PSD3: variants seen among roughly 807,000 people sequenced by gnomAD.
PSD3 encodes pleckstrin and Sec7 domain containing 3.
Under a neutral mutation model 105.5 loss-of-function variants are expected in PSD3, and 49 were observed. The ratio of observed to expected loss-of-function variants is 0.46; its 90% CI spans 0.37 to 0.59. The LOEUF is 0.59. Ranked by LOEUF, PSD3 falls within the 20% of genes least tolerant of loss-of-function variation. PSD3 has a pLI of 0.00. For synonymous variants in PSD3, 557 were observed against 457.8 expected (o/e 1.22, Z -2.77); for missense variants, 1,561 against 1,263.8 (o/e 1.24, Z -3.57).
chr8:18,819,106 C>G (rs1812473892), intron 4 of PSD3, among the ~76,000 whole-genome samples: 1 of 152,150 alleles, frequency 6.6e-6, no homozygotes, highest in Non-Finnish European at 1.5e-5. Flanking sequence ...ATCAAAACAA[C>G]TGGTACCCAG....
At position 18,593,951 on chromosome 8, in the gene PSD3, A is replaced by G. The variant is rs1253493930; in HGVS notation, c.2481+6413T>C. On this transcript the variant is annotated intron_variant, in intron 12 of 15. Transcript: ENST00000327040. ...AGAACACTTGGACACAGGAAGGGGAACATCACACACCGGGGCCTGTTGTGG... is the reference window on the plus strand; with the variant it reads ...AGAACACTTGGACACAGGAAGGGGAGCATCACACACCGGGGCCTGTTGTGG... Among the ~76,000 whole-genome samples the G allele has an allele frequency of 2.7e-4, 29 of 105,690 alleles. 1 individual carries two copies. Among genetic ancestry groups the G allele is most frequent in the East Asian group, 2.6e-3 (8 of 3,102 alleles). 69.3% of individuals were successfully genotyped at this position (105,690 alleles called of 152,430 possible). A position where few individuals can be genotyped will look rare whatever the true frequency, so the allele number is the denominator to read the frequency against.
intron 1 of PSD3, chr8:19,001,894 A>G: frequency 5.4e-6 from 1 of 186,194 alleles, no homozygotes; most frequent in Non-Finnish European, 1.1e-5. Flanking sequence ...ACTGTGGACA[A>G]GGCACAAGAA....
intron 10 of PSD3, among the ~76,000 whole-genome samples, chr8:18,637,695 T>A (rs1337453210): frequency 6.6e-6 from 1 of 152,172 alleles, no homozygotes; most frequent in African/African-American, 2.4e-5. Context: ...AGATACTGAG[T>A]TGTTTCTAGT....
chr8:18,635,668 A>C (rs2130780490), intron 10 of PSD3, among the ~76,000 whole-genome samples: 1 of 152,290 alleles, frequency 6.6e-6, no homozygotes, highest in East Asian at 1.9e-4. Flanking sequence ...GATAAAGAAA[A>C]TGTGGCACAT....
chr8:18,897,316 G>A (rs755379560), intron 2 of PSD3, among the ~76,000 whole-genome samples: 32 of 151,956 alleles, frequency 2.1e-4, no homozygotes, highest in Admixed American at 9.2e-4. Context: ...AAAATGAGTC[G>A]GCTATAAAGA....
At chr8:18,622,469 T>C (rs1282536513) in intron 11 of PSD3, among the ~76,000 whole-genome samples, 1 of 152,232 alleles carries the variant, frequency 6.6e-6, no homozygotes, top group African/African-American at 2.4e-5. Context: ...AACTTAACTA[T>C]GCCATTCCAT....
chr8:18,862,260 T>C (rs1215156244), intron 4 of PSD3, among the ~76,000 whole-genome samples: 4 of 152,096 alleles, frequency 2.6e-5, no homozygotes, highest in Admixed American at 2.0e-4. Context: ...CCAGATTTTA[T>C]GTATTTATTC....
At chr8:19,053,589 A>G (rs2129477257) in intron 1 of PSD3, among the ~76,000 whole-genome samples, 1 of 152,264 alleles carries the variant, frequency 6.6e-6, no homozygotes, top group African/African-American at 2.4e-5. Context: ...ACTTGAGGCC[A>G]GGAGTTCGAG....
chr8:18,535,394 T>C lies in PSD3; in HGVS notation c.*349A>G, dbSNP rs561248627. 3.0e-4 allele frequency: 69 copies of C among 229,360 alleles called. No homozygotes were observed. The highest frequency in any genetic ancestry group is 5.7e-4 in the Non-Finnish European group (65 of 114,802). The allele number at this position is 229,360 out of a possible 1,614,324, so 14.2% of individuals were successfully genotyped here. The stretch of plus-strand genomic sequence containing the variant: ...TCACAATGGATTAAATTCTTTAACC[T>C]TAAAAAAAAGTTTAACAGTTGATAT... On this transcript the variant is annotated 3_prime_UTR_variant, in exon 16 of 16. Transcript: ENST00000327040.
rs369449469 is a variant in PSD3 at position 18,732,869 on chromosome 8, T to A, written c.2172+32580A>T. On this transcript the variant is annotated intron_variant, in intron 9 of 15. Coordinates refer to ENST00000327040, the MANE Select transcript of PSD3 (RefSeq NM_015310.4). ...TATTCTACCACAAGCCCCACTATTG[T>A]GAACCACGATAATATAAAATGAAAT... 3.3e-5 allele frequency: 5 copies of A among 152,180 alleles called. No homozygotes were observed. The East Asian group carries it at 9.7e-4, about 29-fold the overall frequency. The allele number at this position is 152,180 out of a possible 1,614,324, so 9.4% of individuals were successfully genotyped here. A position where few individuals can be genotyped will look rare whatever the true frequency, so the allele number is the denominator to read the frequency against.
chr8:18,619,525 C>G (rs1805952421), intron 11 of PSD3, among the ~76,000 whole-genome samples: 1 of 152,000 alleles, frequency 6.6e-6, no homozygotes, highest in Non-Finnish European at 1.5e-5. Flanking sequence ...TGCCTGTAAT[C>G]CCAGCTACTT....
intron 6 of PSD3, 98 bp from the exon 7 acceptor site, chr8:18,801,480 T>C (rs1810680944): frequency 1.5e-6 from 1 of 667,348 alleles, no homozygotes; most frequent in Non-Finnish European, 2.6e-6. Context: ...AAGATATTAA[T>C]TATACAAAGT....
Position 18,745,957 on chromosome 8 carries a change from G to C in PSD3, c.2172+19492C>G, listed in dbSNP as rs187844138. On this transcript the variant is annotated intron_variant, in intron 9 of 15. Transcript: ENST00000327040. ...CTAGTATACAGATAAAGTAATGATA[G>C]AGGCAGACAAATGCCTAGACAGACA... Among the ~76,000 whole-genome samples, 43 of 152,308 alleles carry C rather than the reference G, an allele frequency of 2.8e-4. 1 individual carries two copies. Among genetic ancestry groups the C allele is most frequent in the African/African-American group, 8.7e-4 (36 of 41,574 alleles).
chr8:18,659,597 G>C (rs1809177487), intron 9 of PSD3, among the ~76,000 whole-genome samples: 1 of 152,182 alleles, frequency 6.6e-6, no homozygotes, highest in Non-Finnish European at 1.5e-5. Flanking sequence ...CCTGGCCAAA[G>C]TCAGAGCCCA....
At chr8:18,604,027 T>G (rs1000652696) in intron 11 of PSD3, among the ~76,000 whole-genome samples, 1 of 152,218 alleles carries the variant, frequency 6.6e-6, no homozygotes, top group Non-Finnish European at 1.5e-5. Context: ...AAATTGGTAC[T>G]GTCAAGTGGG....
chr8:18,834,424 T>C (rs1047378126), intron 4 of PSD3, among the ~76,000 whole-genome samples: 1 of 152,210 alleles, frequency 6.6e-6, no homozygotes, highest in Admixed American at 6.5e-5. Flanking sequence ...AAATACATTG[T>C]ACTGAGCATT....
chr8:18,541,608 T>C (rs537805826), intron 15 of PSD3, among the ~76,000 whole-genome samples: 90 of 152,294 alleles, frequency 5.9e-4, no homozygotes, highest in Non-Finnish European at 8.7e-4. Flanking sequence ...GTTGTCAAGA[T>C]GCCACACGTG....
At chr8:18,748,783 C>T (rs1246569247) in intron 9 of PSD3, among the ~76,000 whole-genome samples, 2 of 151,880 alleles carry the variant, frequency 1.3e-5, no homozygotes, top group South Asian at 2.1e-4. Context: ...CATCTCTCCA[C>T]ACAAGCTGGG....
intron 2 of PSD3, among the ~76,000 whole-genome samples, chr8:18,895,256 A>G (rs894696739): frequency 2.6e-5 from 4 of 152,216 alleles, no homozygotes; most frequent in African/African-American, 9.6e-5. Flanking sequence ...CAGATGCCCC[A>G]TGTCACACAT....
Sources: gnomAD v4.1 joint callset for allele counts (sites outside exome capture counted in the v4.1 genomes callset) on GRCh38, gnomAD v4.1.1 for gene constraint, MANE v1.5 for transcripts, NCBI Gene and HGNC (gene_info 2026-07-23, HGNC 2026-07-21) for gene names.